The following CDH13 variants were observed in gnomAD, a reference collection of about 807,000 sequenced individuals.
CDH13 encodes the protein cadherin-13.
In CDH13, 24 loss-of-function variants were observed where a neutral mutation model predicts 63.8. The ratio of observed to expected loss-of-function variants is 0.38; its 90% CI spans 0.27 to 0.53. The LOEUF is 0.53. Among genes scored for constraint, CDH13 ranks in the 20% least tolerant of loss-of-function variants. The pLI, the probability that CDH13 is intolerant of heterozygous loss-of-function variation, is 0.85. For synonymous variants in CDH13, 503 were observed against 355.3 expected, an observed-to-expected ratio of 1.42 and a Z score of -4.67; for missense variants, 1,049 against 903.1, an observed-to-expected ratio of 1.16 and a Z score of -2.07.
At chr16:83,644,651 G>C (rs1050178547) in intron 8 of CDH13, among the ~76,000 whole-genome samples, 2 of 152,190 alleles carry the variant, frequency 1.3e-5, no homozygotes, top group Non-Finnish European at 2.9e-5. Context: ...CAAATGGGCT[G>C]CCATACAGAG....
At chr16:83,440,504 G>C (rs34781516) in intron 6 of CDH13, among the ~76,000 whole-genome samples, 69,382 of 151,992 alleles carry the variant, frequency 0.46, 16,129 homozygotes, top group South Asian at 0.58. Context: ...CAAGGGCCAG[G>C]CACGGTGGCT....
chr16:83,573,021 C>T (rs1904785956), intron 7 of CDH13, among the ~76,000 whole-genome samples: 1 of 152,170 alleles, frequency 6.6e-6, no homozygotes, highest in African/African-American at 2.4e-5. Context: ...AACACGTTGA[C>T]ATACGCAATA....
At position 83,787,853 on chromosome 16, in the gene CDH13, G is replaced by C. The variant is rs978996646; in HGVS notation, c.2134+4381G>C. Among the ~76,000 whole-genome samples, 3 of 152,136 alleles carry C rather than the reference G, an allele frequency of 2.0e-5. No individual in the cohort carries two copies. In the South Asian group the frequency reaches 6.2e-4, roughly 32 times the overall value. ...AGCTACTCGGGAGGCTGAGGCAGGAGAATCGCTTGAACCTGCCAGGCAGAG... is the reference window on the plus strand; with the variant it reads ...AGCTACTCGGGAGGCTGAGGCAGGACAATCGCTTGAACCTGCCAGGCAGAG... On this transcript the variant is annotated intron_variant, in intron 13 of 13. Transcript: ENST00000567109.
chr16:82,660,947 A>C (rs79553896), intron 1 of CDH13, among the ~76,000 whole-genome samples: 2 of 152,066 alleles, frequency 1.3e-5, no homozygotes, highest in Non-Finnish European at 2.9e-5. Flanking sequence ...AAAAAAAAAA[A>C]CTATTAAGTT....
chr16:83,051,682 T>C (rs1379879301), intron 3 of CDH13, among the ~76,000 whole-genome samples: 1 of 152,230 alleles, frequency 6.6e-6, no homozygotes, highest in African/African-American at 2.4e-5. Flanking sequence ...GCAAGATCTC[T>C]TAAGTAAACC....
rs576054893 is a variant in CDH13, at chr16:83,652,701, A to C, written c.1102-18089A>C. 3.3e-5 allele frequency among the ~76,000 whole-genome samples: 5 copies of C among 152,284 alleles called. No homozygotes were observed. The East Asian group carries it at 9.7e-4, about 29-fold the overall frequency. On this transcript the variant is annotated intron_variant, in intron 8 of 13. Transcript: ENST00000567109. The stretch of plus-strand genomic sequence containing the variant: ...CAGGCCACGGTCTCTTGTATTTGAA[A>C]GGAGCAACCCAAGGGCTACATATGG...
intron 1 of CDH13, among the ~76,000 whole-genome samples, chr16:82,794,838 C>T (rs1224059967): frequency 6.6e-6 from 1 of 152,136 alleles, no homozygotes; most frequent in African/African-American, 2.4e-5. Context: ...ATTCTTCTGC[C>T]TGAATTCCTC....
intron 7 of CDH13, among the ~76,000 whole-genome samples, chr16:83,561,875 A>C (rs955097965): frequency 6.6e-5 from 10 of 152,208 alleles, no homozygotes; most frequent in African/African-American, 2.4e-4. Flanking sequence ...ATCTGACTAA[A>C]CTGAAGACAG....
intron 6 of CDH13, among the ~76,000 whole-genome samples, chr16:83,397,180 T>G (rs1170175306): frequency 6.6e-6 from 1 of 152,126 alleles, no homozygotes; most frequent in African/African-American, 2.4e-5. Context: ...CTCACCAAGT[T>G]GTGTTTCCCC....
intron 2 of CDH13, among the ~76,000 whole-genome samples, chr16:82,958,275 G>A (rs1418385501): frequency 6.6e-6 from 1 of 152,208 alleles, no homozygotes; most frequent in Non-Finnish European, 1.5e-5. Context: ...TCACCTAGAA[G>A]TGCTTAAAAC....
At chr16:83,032,599 T>C (rs954743598) in intron 3 of CDH13, among the ~76,000 whole-genome samples, 1 of 152,156 alleles carries the variant, frequency 6.6e-6, no homozygotes, top group African/African-American at 2.4e-5. Context: ...AACTACCCTC[T>C]TTCTGCTGGT....
intron 6 of CDH13, among the ~76,000 whole-genome samples, chr16:83,432,303 C>A (rs1395937848): frequency 1.3e-5 from 2 of 152,174 alleles, no homozygotes; most frequent in Non-Finnish European, 2.9e-5. Context: ...GCAGTAGCTC[C>A]TTCTAGTGCT....
chr16:83,136,345 G>A (rs905296539), intron 4 of CDH13, among the ~76,000 whole-genome samples: 1 of 151,794 alleles, frequency 6.6e-6, no homozygotes, highest in African/African-American at 2.4e-5. Context: ...AATTAGCCGG[G>A]CGTAGTGGTG....
intron 2 of CDH13, among the ~76,000 whole-genome samples, chr16:82,861,429 A>G (rs2039941983): frequency 6.6e-6 from 1 of 152,230 alleles, no homozygotes; most frequent in Non-Finnish European, 1.5e-5. Context: ...TGCCTGACAG[A>G]CATAGTATAT....
chr16:82,738,793 G>C (rs909077259), intron 1 of CDH13, among the ~76,000 whole-genome samples: 1 of 152,040 alleles, frequency 6.6e-6, no homozygotes, highest in Non-Finnish European at 1.5e-5. Flanking sequence ...ATATAACCTT[G>C]GTGGTTCCTT....
intron 1 of CDH13, among the ~76,000 whole-genome samples, chr16:82,767,085 C>T (rs2035084769): frequency 1.3e-5 from 2 of 152,196 alleles, no homozygotes; most frequent in East Asian, 3.9e-4. Context: ...TATGCTCTCC[C>T]TCTAAATACT....
intron 7 of CDH13, among the ~76,000 whole-genome samples, chr16:83,549,518 G>T (rs573976242): frequency 2.0e-5 from 3 of 151,918 alleles, no homozygotes; most frequent in African/African-American, 4.8e-5. Flanking sequence ...TTGTGCCCTC[G>T]AGGGTCCCCT....
At chr16:83,480,197 T>A (rs576660114) in intron 6 of CDH13, among the ~76,000 whole-genome samples, 90 of 152,264 alleles carry the variant, frequency 5.9e-4, no homozygotes, top group Non-Finnish European at 1.1e-3. Context: ...GCACCTATAG[T>A]CCCAGCTAAT....
chr16:83,165,770 A>G (rs1230796671), intron 4 of CDH13, among the ~76,000 whole-genome samples: 1 of 152,158 alleles, frequency 6.6e-6, no homozygotes, highest in East Asian at 1.9e-4. Flanking sequence ...TTAGAGACCT[A>G]GAATTCAGGA....
Sources: gnomAD v4.1 joint callset for allele counts (sites outside exome capture counted in the v4.1 genomes callset) on GRCh38, gnomAD v4.1.1 for gene constraint, MANE v1.5 for transcripts, NCBI Gene and HGNC (gene_info 2026-07-23, HGNC 2026-07-21) for gene names.